The following PKHD1 variants were observed in gnomAD, a reference collection of about 807,000 sequenced individuals.
The protein encoded by PKHD1 is PKHD1 ciliary IPT domain containing fibrocystin/polyductin, also known as fibrocystin.
Under a neutral mutation model 412.0 loss-of-function variants are expected in PKHD1, and 291 were observed. That is an observed-to-expected ratio of 0.71 (90% confidence interval 0.64 to 0.78). PKHD1 has a LOEUF of 0.78. Ranked by LOEUF, PKHD1 falls within the 30% of genes least tolerant of loss-of-function variation. PKHD1 has a pLI of 0.00. For missense variants in PKHD1, 4,825 were observed against 4,950.7 expected (o/e 0.97, Z 0.76); for synonymous variants, 1,777 against 1,821.5 (o/e 0.98, Z 0.62).
At chr6:52,035,766 G>T (rs1278476151) in intron 27 of PKHD1, 45 bp from the exon 28 acceptor site, 1 of 1,596,906 alleles carries the variant, frequency 6.3e-7, no homozygotes, top group Non-Finnish European at 8.6e-7. Flanking sequence ...CAACCATACA[G>T]GCAGACAAAA....
At chr6:51,620,163 G>A (rs1001844175) in intron 66 of PKHD1, among the ~76,000 whole-genome samples, 1 of 152,008 alleles carries the variant, frequency 6.6e-6, no homozygotes, top group African/African-American at 2.4e-5. Flanking sequence ...GGCTTTAGTT[G>A]CATAATTTAA....
intron 23 of PKHD1, among the ~76,000 whole-genome samples, chr6:52,047,376 GC>G (rs1334865706): frequency 6.6e-6 from 1 of 152,066 alleles, no homozygotes; most frequent in East Asian, 1.9e-4. Flanking sequence ...TCCTGTGCAG[GC>G]CTAGGGACTT....
chr6:51,802,700 C>A (rs1326575), intron 52 of PKHD1, among the ~76,000 whole-genome samples: 113,768 of 151,204 alleles, frequency 0.75, 43,478 homozygotes, highest in East Asian at 0.97. Context: ...CACTCCTGAA[C>A]GGTGCTGTTT....
rs767554968 is a variant in PKHD1, at chr6:51,885,911, G to A, written c.7171C>T (p.Leu2391=). ...PPWDNVTGTT[L]FQSFTVWESA... ...TCCCAAACTGTGAAGCTCTGGAACA[G>A]AGTGGTGCCAGTGACATTATCCCAA... The change falls in exon 45 of 67, where the codon CTG becomes TTG. Residue 2391 remains leucine (L), a synonymous_variant. Transcript: ENST00000371117. 6 of 1,613,458 alleles carry A rather than the reference G, an allele frequency of 3.7e-6. No individual in the cohort carries two copies. Among genetic ancestry groups the A allele is most frequent in the Non-Finnish European group, 5.1e-6 (6 of 1,179,496 alleles).
intron 12 of PKHD1, 140 bp downstream of exon 12, chr6:52,065,836 C>T: frequency 1.5e-6 from 1 of 675,100 alleles, no homozygotes; most frequent in Non-Finnish European, 2.7e-6. Context: ...CTGGTCTCAA[C>T]CAAACACATG....
intron 55 of PKHD1, among the ~76,000 whole-genome samples, chr6:51,762,972 A>T (rs9367450): frequency 0.32 from 48,473 of 151,828 alleles, 9,583 homozygotes; most frequent in East Asian, 0.69. Flanking sequence ...TTAACATTTT[A>T]AAAAAGGTTT....
chr6:51,776,153 G>A lies in PKHD1; in HGVS notation c.8441-232C>T, dbSNP rs188444643. On this transcript the variant is annotated intron_variant, in intron 53 of 66. Coordinates refer to ENST00000371117, the MANE Select transcript of PKHD1 (RefSeq NM_138694.4). ...TATTCACTCTTCTTTCTTTATTAGG[G>A]CAGTGTAAACTTTCCTGACCTACTA... Among the ~76,000 whole-genome samples, 11 of 151,998 alleles carry A rather than the reference G, an allele frequency of 7.2e-5. No individual in the cohort carries two copies. The East Asian group carries it at 1.7e-3, about 24-fold the overall frequency.
chr6:51,966,303 G>A (rs1792798357), intron 35 of PKHD1, among the ~76,000 whole-genome samples: 1 of 152,046 alleles, frequency 6.6e-6, no homozygotes, highest in African/African-American at 2.4e-5. Context: ...GCAGGGAGGG[G>A]GACTTCCAGG....
chr6:51,944,480 C>A (rs1188413345), intron 36 of PKHD1, among the ~76,000 whole-genome samples: 1 of 152,086 alleles, frequency 6.6e-6, no homozygotes, highest in Admixed American at 6.5e-5. Flanking sequence ...GTATTTCTGA[C>A]CACCAGCTGA....
chr6:52,009,871 TCC>T (rs1373991545), intron 35 of PKHD1, among the ~76,000 whole-genome samples: 10 of 151,930 alleles, frequency 6.6e-5, no homozygotes, highest in Admixed American at 6.6e-4. Flanking sequence ...TCCACTCTGC[TCC>T]CCCATGGCAC....
intron 49 of PKHD1, 126 bp downstream of exon 49, chr6:51,855,767 C>T: frequency 1.3e-6 from 1 of 791,282 alleles, no homozygotes; most frequent in East Asian, 2.5e-5. Flanking sequence ...TCTTTATCTG[C>T]ATCAGAATAT....
intron 35 of PKHD1, among the ~76,000 whole-genome samples, chr6:51,973,298 T>C (rs1239107326): frequency 6.6e-6 from 1 of 152,154 alleles, no homozygotes; most frequent in Non-Finnish European, 1.5e-5. Flanking sequence ...CCAAAGCCCT[T>C]CCAAAAAATC....
At chr6:51,671,598 C>T (rs1281009867) in intron 60 of PKHD1, among the ~76,000 whole-genome samples, 3 of 152,122 alleles carry the variant, frequency 2.0e-5, no homozygotes, top group East Asian at 1.9e-4. Context: ...TGAGGAACTG[C>T]GTTCCTTTGG....
Position 52,055,583 on chromosome 6 carries a change from T to G in PKHD1, c.1836+4A>C, listed in dbSNP as rs1445850195. The G allele has an allele frequency of 1.2e-6, 2 of 1,613,842 alleles. No individual in the cohort carries two copies. The highest frequency in any genetic ancestry group is 2.7e-5 in the African/African-American group (2 of 74,894). ...GACCCAGAAGCACAAAGACTGCTACTCACGTGTGTATACTGATCTAGCCGA... is the reference window on the plus strand; with the variant it reads ...GACCCAGAAGCACAAAGACTGCTACGCACGTGTGTATACTGATCTAGCCGA... On this transcript the variant is annotated splice_donor_region_variant and intron_variant, in intron 19 of 66. Coordinates refer to ENST00000371117, the MANE Select transcript of PKHD1 (RefSeq NM_138694.4).
chr6:51,795,144 C>T (rs1355536576), intron 52 of PKHD1, among the ~76,000 whole-genome samples: 1 of 152,112 alleles, frequency 6.6e-6, no homozygotes, highest in Non-Finnish European at 1.5e-5. Flanking sequence ...GATACTGATT[C>T]TTCCTATCCA....
chr6:51,904,786 A>C (rs1781828772), intron 41 of PKHD1, among the ~76,000 whole-genome samples: 2 of 152,228 alleles, frequency 1.3e-5, no homozygotes, highest in Admixed American at 6.5e-5. Flanking sequence ...TCTATTCCAC[A>C]TAATTGTTTT....
At chr6:51,738,884 T>C (rs1784193020) in intron 60 of PKHD1, among the ~76,000 whole-genome samples, 1 of 151,940 alleles carries the variant, frequency 6.6e-6, no homozygotes, top group African/African-American at 2.4e-5. Context: ...TCATTTGAAA[T>C]GCAACTATTT....
At chr6:51,989,907 G>GGAAGGAAGGAAA in intron 35 of PKHD1, among the ~76,000 whole-genome samples, 1 of 71,652 alleles carries the variant, frequency 1.4e-5, no homozygotes, top group Non-Finnish European at 2.9e-5. Flanking sequence ...GAGGGAGGAA[G>GGAAGGAAGGAAA]GAAGGAAGGA....
intron 40 of PKHD1, among the ~76,000 whole-genome samples, chr6:51,908,912 G>C (rs1231646868): frequency 6.6e-6 from 1 of 152,090 alleles, no homozygotes; most frequent in Admixed American, 6.6e-5. Flanking sequence ...CTAGTAAGTG[G>C]TAGAGACAGA....
Sources: gnomAD v4.1 joint callset for allele counts (sites outside exome capture counted in the v4.1 genomes callset) on GRCh38, gnomAD v4.1.1 for gene constraint, MANE v1.5 for transcripts, NCBI Gene and HGNC (gene_info 2026-07-23, HGNC 2026-07-21) for gene names.